PITPNA: variants seen among roughly 807,000 people sequenced by gnomAD.
The protein encoded by PITPNA is phosphatidylinositol transfer protein alpha isoform.
A neutral mutation model predicts 50.3 loss-of-function variants in PITPNA; 13 were observed. That is an observed-to-expected ratio of 0.26 (90% CI 0.17 to 0.41). The LOEUF is 0.41. Among genes scored for constraint, PITPNA ranks in the 10% least tolerant of loss-of-function variants. The probability of loss-of-function intolerance (pLI) is 1.00; values close to 1 mark genes in which losing one functional copy is unlikely to be tolerated. For missense variants in PITPNA, 207 were observed against 333.4 expected, an observed-to-expected ratio of 0.62 and a Z score of 2.95; for synonymous variants, 120 against 119.6, an observed-to-expected ratio of 1.00 and a Z score of -0.02.
At chr17:1,531,659 C>T (rs559825876) in intron 10 of PITPNA, among the ~76,000 whole-genome samples, 18 of 149,180 alleles carry the variant, frequency 1.2e-4, no homozygotes, top group African/African-American at 4.2e-4. Context: ...CACAACCTCA[C>T]CTCTTAAAAA....
chr17:1,553,666 C>A (rs2151013352), intron 2 of PITPNA, among the ~76,000 whole-genome samples: 1 of 152,302 alleles, frequency 6.6e-6, no homozygotes, highest in Non-Finnish European at 1.5e-5. Context: ...CCCAGAAGAC[C>A]TAGGTTGGTT....
At chr17:1,524,032 T>A (rs2075530755) in intron 10 of PITPNA, among the ~76,000 whole-genome samples, 2 of 121,788 alleles carry the variant, frequency 1.6e-5, no homozygotes, top group South Asian at 5.4e-4. Context: ...AAGCCTCAGT[T>A]TTTTTCTTTT....
rs760465125 is a variant in PITPNA at position 1,562,565 on chromosome 17, C to T, written c.-5G>A. On this transcript the variant is annotated 5_prime_UTR_variant, in exon 1 of 12. Transcript: ENST00000313486. The surrounding 1 kb of genome is among the most constrained non-coding windows in gnomAD (Gnocchi z 6.4). ...CTACTCCTTGAGCAGCACCATGTCGCTTCGCGGCTCGGTGGCTGCCCGCGG... is the reference window on the plus strand; with the variant it reads ...CTACTCCTTGAGCAGCACCATGTCGTTTCGCGGCTCGGTGGCTGCCCGCGG... The T allele has an allele frequency of 2.2e-5, 30 of 1,340,188 alleles. 1 individual carries two copies. In the South Asian group the frequency reaches 4.5e-4, roughly 20 times the overall value. 83.0% of individuals were successfully genotyped at this position (1,340,188 alleles called of 1,614,324 possible).
chr17:1,530,489 C>G (rs185392037), intron 10 of PITPNA, among the ~76,000 whole-genome samples: 1 of 152,176 alleles, frequency 6.6e-6, no homozygotes, highest in African/African-American at 2.4e-5. Flanking sequence ...ATGGTGGGTC[C>G]GCCCGGACAG....
chr17:1,540,410 C>T (rs1159197427), intron 6 of PITPNA, among the ~76,000 whole-genome samples: 2 of 152,166 alleles, frequency 1.3e-5, no homozygotes, highest in African/African-American at 2.4e-5. Flanking sequence ...CATCCATGTG[C>T]GTGGATTTTT....
At chr17:1,535,702 A>T in intron 7 of PITPNA, 184 bp from the exon 8 acceptor site, 1 of 605,174 alleles carries the variant, frequency 1.7e-6, no homozygotes, top group South Asian at 2.0e-5. Flanking sequence ...GGAGAGTTCT[A>T]TGTGATTTTC....
chr17:1,527,816 T>C (rs75401325), intron 10 of PITPNA, among the ~76,000 whole-genome samples: 6,753 of 152,290 alleles, frequency 0.044, 511 homozygotes, highest in African/African-American at 0.15. Context: ...AAAGGGTACA[T>C]AGATCTTTCC....
chr17:1,532,172 C>G (rs148314940), intron 10 of PITPNA, among the ~76,000 whole-genome samples: 1 of 152,322 alleles, frequency 6.6e-6, no homozygotes, highest in African/African-American at 2.4e-5. Flanking sequence ...ACTGCAACCT[C>G]TGCCTCCTGG....
intron 2 of PITPNA, among the ~76,000 whole-genome samples, chr17:1,554,212 ATG>A (rs1472814617): frequency 6.6e-6 from 1 of 152,044 alleles, no homozygotes; most frequent in Non-Finnish European, 1.5e-5. Context: ...ACACCAACGG[ATG>A]TGTCTTTCCT....
intron 6 of PITPNA, 59 bp from the exon 7 acceptor site, chr17:1,539,011 G>T: frequency 1.8e-6 from 2 of 1,116,328 alleles, no homozygotes; most frequent in Non-Finnish European, 2.7e-6. Flanking sequence ...ATATCCTTTA[G>T]CCAGAATGGA....
At chr17:1,534,344 T>A in intron 9 of PITPNA, 123 bp from the exon 10 acceptor site, 1 of 1,188,330 alleles carries the variant, frequency 8.4e-7, no homozygotes, top group Non-Finnish European at 1.2e-6. Flanking sequence ...GGAGGAGGAG[T>A]AATGCCCGGC....
intron 1 of PITPNA, among the ~76,000 whole-genome samples, chr17:1,559,133 A>G (rs1255540730): frequency 6.6e-6 from 1 of 152,122 alleles, no homozygotes; most frequent in Non-Finnish European, 1.5e-5. Context: ...GAAGGGACCA[A>G]GCCCCTTGAA....
chr17:1,558,091 T>C (rs12451775), intron 2 of PITPNA, among the ~76,000 whole-genome samples: 47,200 of 151,790 alleles, frequency 0.31, 7,945 homozygotes, highest in East Asian at 0.57. Flanking sequence ...ATTAGCCGGG[T>C]GTGGTGGCAC....
intron 10 of PITPNA, among the ~76,000 whole-genome samples, chr17:1,529,389 G>A (rs1361285231): frequency 6.6e-6 from 1 of 151,708 alleles, no homozygotes; most frequent in Non-Finnish European, 1.5e-5. Flanking sequence ...GCGTGTAGTG[G>A]CGGGCGCCTC....
At chr17:1,559,711 C>G (rs573277519) in intron 1 of PITPNA, 1 of 946,950 alleles carries the variant, frequency 1.1e-6, no homozygotes, top group Non-Finnish European at 1.3e-6. Flanking sequence ...ACAAAGGTCC[C>G]CCAGGAAGCA....
At chr17:1,536,325 TTGG>T (rs1387345914) in intron 7 of PITPNA, among the ~76,000 whole-genome samples, 30 of 151,438 alleles carry the variant, frequency 2.0e-4, no homozygotes, top group Non-Finnish European at 7.4e-5. Context: ...TCTCGCTCTG[TTGG>T]CCAGGCTGGA....
intron 10 of PITPNA, among the ~76,000 whole-genome samples, chr17:1,527,250 T>C (rs998986255): frequency 6.6e-6 from 1 of 152,038 alleles, no homozygotes; most frequent in Non-Finnish European, 1.5e-5. Flanking sequence ...TCCTGGTTGG[T>C]TGGTTTGTTT....
At chr17:1,531,155 ATTAAAG>A (rs965775083) in intron 10 of PITPNA, among the ~76,000 whole-genome samples, 1 of 152,090 alleles carries the variant, frequency 6.6e-6, no homozygotes, top group Non-Finnish European at 1.5e-5. Flanking sequence ...ATACGACGGA[ATTAAAG>A]TTAAAGCGAA....
chr17:1,536,714 C>A (rs1193235095), intron 7 of PITPNA, among the ~76,000 whole-genome samples: 1 of 152,040 alleles, frequency 6.6e-6, no homozygotes, highest in Non-Finnish European at 1.5e-5. Flanking sequence ...CTGCCTCAGC[C>A]TCCTGAGTAG....
Sources: allele counts gnomAD v4.1 joint callset (sites outside exome capture counted in the v4.1 genomes callset), GRCh38; gene constraint gnomAD v4.1.1; non-coding constraint Gnocchi (gnomAD v3.1); transcripts MANE v1.5; gene names NCBI Gene and HGNC (gene_info 2026-07-23, HGNC 2026-07-21).